CELF2: variants seen among roughly 807,000 people sequenced by gnomAD.
The protein encoded by CELF2 is CUG triplet repeat RNA-binding protein 2.
CELF2 carries 8 observed loss-of-function variants against 62.6 expected under a neutral mutation model. That is an observed-to-expected ratio of 0.13 (90% CI 0.07 to 0.23). The LOEUF is 0.23. Among genes scored for constraint, CELF2 ranks in the 10% least tolerant of loss-of-function variants. The pLI, the probability that CELF2 is intolerant of heterozygous loss-of-function variation, is 1.00. For synonymous variants in CELF2, 258 were observed against 250.0 expected, an observed-to-expected ratio of 1.03 and a Z score of -0.30; for missense variants, 333 against 671.0, an observed-to-expected ratio of 0.50 and a Z score of 5.56.
rs80127996 is a variant in CELF2 at position 11,313,894 on chromosome 10, C to T, written c.977-245C>T. ...AACCTGGCAGGGCAGGCCTCCCATT[C>T]GCAGATTTCCCCACCATCCAGCAGT... On this transcript the variant is annotated intron_variant, in intron 9 of 12. Coordinates refer to ENST00000633077, the MANE Select transcript of CELF2 (RefSeq NM_001326342.2). Among the ~76,000 whole-genome samples, 774 of 152,184 alleles carry T rather than the reference C, an allele frequency of 5.1e-3. 3 individuals carry two copies. The highest frequency in any genetic ancestry group is 8.6e-3 in the Admixed American group (132 of 15,292).
rs1357520163 is a variant in CELF2, at chr10:11,046,124, G to A, written c.74+27961G>A. ...ACCTTCCAGCTCTGTTCTATTTGCT[G>A]CTGTTTAATGTTTTCCTGCCTCCCC... is the stretch of plus-strand genomic sequence containing the variant. On this transcript the variant is annotated intron_variant, in intron 1 of 12. Transcript: ENST00000633077. This position sits in a 1 kb window ranked among gnomAD's most constrained non-coding sequence, Gnocchi z 4.6. Among the ~76,000 whole-genome samples, 11 of 152,230 alleles carry A rather than the reference G, an allele frequency of 7.2e-5. No homozygotes were observed. In the East Asian group the frequency reaches 1.9e-3, roughly 27 times the overall value.
At chr10:10,662,368 A>T in the CELF2 span, among the ~76,000 whole-genome samples, 1 of 152,128 alleles carries the variant, frequency 6.6e-6, no homozygotes, top group Admixed American at 6.5e-5. Flanking sequence ...AATGTGCATG[A>T]CTTCTCAGTG....
intron 1 of CELF2, among the ~76,000 whole-genome samples, chr10:10,814,109 A>G (rs1461105287): frequency 6.6e-6 from 1 of 150,990 alleles, no homozygotes; most frequent in Non-Finnish European, 1.5e-5. Context: ...ATACATTTCA[A>G]TGACCTGGAG....
intron 1 of CELF2, among the ~76,000 whole-genome samples, chr10:10,868,960 A>G (rs2060555497): frequency 6.6e-6 from 1 of 152,256 alleles, no homozygotes; most frequent in Admixed American, 6.5e-5. Context: ...CGACTACAGA[A>G]CTAATTAATG....
chr10:11,064,540 T>C (rs1238402075), intron 1 of CELF2, among the ~76,000 whole-genome samples: 1 of 152,218 alleles, frequency 6.6e-6, no homozygotes, highest in Non-Finnish European at 1.5e-5. Context: ...GCAAGTGGTA[T>C]CAGTTAAACC....
rs989139419 is a variant in CELF2, at chr10:10,856,832, A to C, written c.53+58015A>C. 2.0e-5 allele frequency among the ~76,000 whole-genome samples: 3 copies of C among 152,288 alleles called. No individual in the cohort carries two copies. In the East Asian group the frequency reaches 5.8e-4, roughly 29 times the overall value. Reference sequence around the variant, plus strand: ...AGTATCTTCCGTCTTCAAACAAACAAAAATTAATCTTCTGAACTTTCATTT... The same window carrying C: ...AGTATCTTCCGTCTTCAAACAAACACAAATTAATCTTCTGAACTTTCATTT... On this transcript the variant is annotated intron_variant, in intron 1 of 13. Transcript: ENST00000636488.
At position 11,242,910 on chromosome 10, in the gene CELF2, C is replaced by T. The variant is rs1200668035; in HGVS notation, c.355-6243C>T. Among the ~76,000 whole-genome samples, 1 of 152,154 alleles carries T rather than the reference C, an allele frequency of 6.6e-6. No homozygotes were observed. The highest frequency in any genetic ancestry group is 1.9e-4 in the East Asian group (1 of 5,194). ...GTCCGCCACCAACAGATGGCTCCTACCAGGGCGACAGGGACGGAGGCGCCG... is the reference window on the plus strand; with the variant it reads ...GTCCGCCACCAACAGATGGCTCCTATCAGGGCGACAGGGACGGAGGCGCCG... On this transcript the variant is annotated intron_variant, in intron 3 of 12. Coordinates refer to ENST00000633077, the MANE Select transcript of CELF2 (RefSeq NM_001326342.2). This position sits in a 1 kb window ranked among gnomAD's most constrained non-coding sequence, Gnocchi z 4.8.
At chr10:10,466,432 T>C in the CELF2 span, among the ~76,000 whole-genome samples, 1 of 152,086 alleles carries the variant, frequency 6.6e-6, no homozygotes, top group Non-Finnish European at 1.5e-5. Flanking sequence ...AAATAAGCAA[T>C]AGTTTGTTCA....
chr10:10,890,646 T>C (rs569246208), intron 1 of CELF2, among the ~76,000 whole-genome samples: 1 of 152,324 alleles, frequency 6.6e-6, no homozygotes, highest in East Asian at 1.9e-4. Context: ...AAGCTGGTTT[T>C]AGTTGTTCTC....
the CELF2 span, among the ~76,000 whole-genome samples, chr10:10,667,268 G>A: frequency 2.0e-5 from 3 of 152,114 alleles, no homozygotes; most frequent in Non-Finnish European, 4.4e-5. Context: ...AAATGTTTGG[G>A]GTCAACTTTC....
chr10:11,004,422 CGTGTGTGT>C (rs10676789), upstream of CELF2, among the ~76,000 whole-genome samples: 1 of 148,492 alleles, frequency 6.7e-6, no homozygotes, highest in Non-Finnish European at 1.5e-5. This position sits in a 1 kb window ranked among gnomAD's most constrained non-coding sequence, Gnocchi z 5.0. Context: ...TGTGCGCGCG[CGTGTGTGT>C]GTGTGTGTGT....
chr10:10,738,147 T>C, the CELF2 span, among the ~76,000 whole-genome samples: 1 of 152,210 alleles, frequency 6.6e-6, no homozygotes, highest in African/African-American at 2.4e-5. Context: ...AGGTTTCACT[T>C]TTGCTTTTTA....
rs1454918924 is a variant in CELF2, at chr10:11,321,740, G to C, written c.1294+354G>C. ...TATTTATTTCAGTCTTTCTCACTTG[G>C]TCTTATAGTTACCTTCTAATTTAAT... On this transcript the variant is annotated intron_variant, in intron 11 of 12. Coordinates refer to ENST00000633077, the MANE Select transcript of CELF2 (RefSeq NM_001326342.2). The surrounding 1 kb of genome is among the most constrained non-coding windows in gnomAD (Gnocchi z 6.2). Among the ~76,000 whole-genome samples the C allele has an allele frequency of 6.6e-6, 1 of 152,092 alleles. No homozygotes were observed. The highest frequency in any genetic ancestry group is 1.5e-5 in the Non-Finnish European group (1 of 68,016).
At chr10:10,869,739 C>T (rs192829833) in intron 1 of CELF2, among the ~76,000 whole-genome samples, 62 of 152,266 alleles carry the variant, frequency 4.1e-4, no homozygotes, top group African/African-American at 1.3e-3. Flanking sequence ...TCTACTTCCT[C>T]TGCACCCCTC....
At chr10:10,686,318 G>C in the CELF2 span, among the ~76,000 whole-genome samples, 1 of 85,676 alleles carries the variant, frequency 1.2e-5, no homozygotes, top group Admixed American at 1.6e-4. Context: ...TTTGGGGGGG[G>C]GGGTGGGGTG....
At chr10:11,239,032 T>A (rs1012106879) in intron 3 of CELF2, among the ~76,000 whole-genome samples, 1 of 152,186 alleles carries the variant, frequency 6.6e-6, no homozygotes, top group Non-Finnish European at 1.5e-5. Context: ...GCTGAGGAAC[T>A]AGGATGCCAA....
chr10:10,627,434 A>G, the CELF2 span, among the ~76,000 whole-genome samples: 1 of 152,242 alleles, frequency 6.6e-6, no homozygotes, highest in Non-Finnish European at 1.5e-5. Flanking sequence ...ATCTGAGATC[A>G]GGGCAAGGAG....
Position 11,285,470 on chromosome 10 carries a change from A to G in CELF2, c.842-2948A>G, listed in dbSNP as rs767269897. Among the ~76,000 whole-genome samples the G allele has an allele frequency of 1.3e-5, 2 of 152,144 alleles. No homozygotes were observed. Among genetic ancestry groups the G allele is most frequent in the African/African-American group, 4.8e-5 (2 of 41,424 alleles). ...TGGTAAAGTGTGTGGAGGAGAAATG[A>G]AGAGGAGGACACCCAGGCCCTTAGC... is the stretch of plus-strand genomic sequence containing the variant. On this transcript the variant is annotated intron_variant, in intron 8 of 12. Transcript: ENST00000633077. The surrounding 1 kb of genome is among the most constrained non-coding windows in gnomAD (Gnocchi z 4.3).
the CELF2 span, among the ~76,000 whole-genome samples, chr10:10,767,312 G>A: frequency 3.3e-5 from 5 of 151,790 alleles, no homozygotes; most frequent in African/African-American, 1.2e-4. Flanking sequence ...GGTAGACTGG[G>A]CCTCCTGTTC....
Sources: gnomAD v4.1 joint callset for allele counts (sites outside exome capture counted in the v4.1 genomes callset) on GRCh38, gnomAD v4.1.1 for gene constraint, Gnocchi (gnomAD v3.1) non-coding constraint, MANE v1.5 for transcripts, NCBI Gene and HGNC (gene_info 2026-07-23, HGNC 2026-07-21) for gene names.